Variants in ANKRD28 observed in about 807,000 individuals in gnomAD.
The protein encoded by ANKRD28 is ankyrin repeat domain 28, also known as serine/threonine-protein phosphatase 6 regulatory ankyrin repeat subunit A.
ANKRD28 carries 44 observed loss-of-function variants against 126.5 expected under a neutral mutation model. That is an observed-to-expected ratio of 0.35 (90% confidence interval 0.27 to 0.45). ANKRD28 has a LOEUF of 0.45. Among genes scored for constraint, ANKRD28 ranks in the 20% least tolerant of loss-of-function variants. ANKRD28 has a pLI of 1.00. For synonymous variants in ANKRD28, 442 were observed against 468.5 expected, an observed-to-expected ratio of 0.94 and a Z score of 0.73; for missense variants, 1,110 against 1,316.6, an observed-to-expected ratio of 0.84 and a Z score of 2.43.
intron 21 of ANKRD28, among the ~76,000 whole-genome samples, chr3:15,681,471 C>A (rs1460534159): frequency 6.6e-6 from 1 of 152,150 alleles, no homozygotes; most frequent in Non-Finnish European, 1.5e-5. Context: ...TAATTTAATA[C>A]CCTAATTACT....
chr3:15,788,730 T>C (rs9862047), intron 2 of ANKRD28, among the ~76,000 whole-genome samples: 6,216 of 152,190 alleles, frequency 0.041, 412 homozygotes, highest in African/African-American at 0.14. Context: ...TAAGTTCTAG[T>C]AAATCTTAGG....
At chr3:15,705,524 A>C (rs1420343914) in intron 14 of ANKRD28, among the ~76,000 whole-genome samples, 3 of 152,224 alleles carry the variant, frequency 2.0e-5, no homozygotes, top group Non-Finnish European at 4.4e-5. Context: ...ACTTATTTTA[A>C]GCAAATCAAT....
Position 15,814,644 on chromosome 3 carries a change from T to C in ANKRD28, c.28-19338A>G, listed in dbSNP as rs556654647. Among the ~76,000 whole-genome samples, 4 of 151,852 alleles carry C rather than the reference T, an allele frequency of 2.6e-5. No homozygotes were observed. Among genetic ancestry groups the C allele is most frequent in the South Asian group, 2.1e-4 (1 of 4,818 alleles). ...TTAAACACAAACACACACACACACA[T>C]ATACACACACAAACTTTTCAAATGC... On this transcript the variant is annotated intron_variant, in intron 1 of 27. Transcript: ENST00000399451. This position sits in a 1 kb window ranked among gnomAD's most constrained non-coding sequence, Gnocchi z 4.7.
Position 15,797,174 on chromosome 3 carries a change from C to A in ANKRD28, c.-653G>T. 1 of 728,028 alleles carries A rather than the reference C, an allele frequency of 1.4e-6. No individual in the cohort carries two copies. The highest frequency in any genetic ancestry group is 1.6e-6 in the Non-Finnish European group (1 of 606,276). The allele number at this position is 728,028 out of a possible 1,614,324, so 45.1% of individuals were successfully genotyped here. ...AAATGAAGCTCAGAGGTTAACAATT[C>A]TTTCAGTGTTTGGGAAAGGGGCAAA... On this transcript the variant is annotated 5_prime_UTR_variant, in exon 1 of 28. Coordinates refer to ENST00000683139, the MANE Select transcript of ANKRD28 (RefSeq NM_001349278.2).
At chr3:15,767,151 G>A (rs1041888105) in intron 2 of ANKRD28, among the ~76,000 whole-genome samples, 3 of 152,040 alleles carry the variant, frequency 2.0e-5, no homozygotes, top group African/African-American at 7.3e-5. Context: ...AGGAAAAGAA[G>A]CTACCTCTAA....
intron 27 of ANKRD28, among the ~76,000 whole-genome samples, chr3:15,671,239 G>GT (rs1484610097): frequency 6.6e-6 from 1 of 151,956 alleles, no homozygotes; most frequent in East Asian, 1.9e-4. Context: ...GACCTTAGTC[G>GT]TAAGTTACCA....
intron 26 of ANKRD28, chr3:15,676,453 A>G (rs2066948501): frequency 6.4e-6 from 1 of 156,766 alleles, no homozygotes; most frequent in Non-Finnish European, 1.4e-5. Context: ...CTAATCCCAG[A>G]ACGGGCAACA....
intron 4 of ANKRD28, among the ~76,000 whole-genome samples, chr3:15,749,093 A>ACGT (rs2057679191): frequency 1.7e-5 from 1 of 57,806 alleles, no homozygotes; most frequent in Non-Finnish European, 3.5e-5. Context: ...ATTCTATATT[A>ACGT]TGTTTTTGTT....
Position 15,812,204 on chromosome 3 carries a change from A to G in ANKRD28, c.28-16898T>C, listed in dbSNP as rs2060729773. Among the ~76,000 whole-genome samples, 1 of 152,110 alleles carries G rather than the reference A, an allele frequency of 6.6e-6. No homozygotes were observed. Among genetic ancestry groups the G allele is most frequent in the Admixed American group, 6.5e-5 (1 of 15,276 alleles). ...CCCAAAACAACAATAAAATGTTTCT[A>G]AGATGATAATCAAAGATGGCATCAT... is the stretch of plus-strand genomic sequence containing the variant. On this transcript the variant is annotated intron_variant, in intron 1 of 27. Transcript: ENST00000399451. The surrounding 1 kb of genome is among the most constrained non-coding windows in gnomAD (Gnocchi z 4.1).
At chr3:15,678,159 T>A (rs1295846643) in intron 24 of ANKRD28, 50 bp downstream of exon 24, 1 of 1,525,552 alleles carries the variant, frequency 6.6e-7, no homozygotes, top group Non-Finnish European at 8.8e-7. Flanking sequence ...AAGTTATACA[T>A]AAGTGATACA....
At chr3:15,727,417 A>T (rs779473534) in intron 6 of ANKRD28, among the ~76,000 whole-genome samples, 95 of 152,058 alleles carry the variant, frequency 6.2e-4, no homozygotes, top group Non-Finnish European at 1.2e-3. Context: ...AAGTACAAAA[A>T]TTAGCCAGGT....
chr3:15,770,141 T>C (rs2058929550), intron 2 of ANKRD28, among the ~76,000 whole-genome samples: 2 of 152,220 alleles, frequency 1.3e-5, no homozygotes, highest in African/African-American at 2.4e-5. Context: ...GACTTCCATA[T>C]TGACTTTGGG....
chr3:15,813,928 T>C (rs1164706176), intron 1 of ANKRD28, among the ~76,000 whole-genome samples: 1 of 152,162 alleles, frequency 6.6e-6, no homozygotes, highest in Non-Finnish European at 1.5e-5. Flanking sequence ...ACAAAATAAA[T>C]AAAACTAGTT....
chr3:15,726,912 C>T (rs1010189821), intron 6 of ANKRD28, among the ~76,000 whole-genome samples: 2 of 152,224 alleles, frequency 1.3e-5, no homozygotes, highest in Non-Finnish European at 2.9e-5. Flanking sequence ...GCTAAATCCA[C>T]TTTGCCTATG....
intron 3 of ANKRD28, among the ~76,000 whole-genome samples, chr3:15,756,903 C>G (rs1365545299): frequency 6.6e-6 from 1 of 152,152 alleles, no homozygotes; most frequent in Admixed American, 6.5e-5. Flanking sequence ...TCACTAAATT[C>G]TTCCAATTCT....
chr3:15,852,405 C>T (rs2061671929), intron 1 of ANKRD28, among the ~76,000 whole-genome samples: 1 of 152,130 alleles, frequency 6.6e-6, no homozygotes, highest in African/African-American at 2.4e-5. Flanking sequence ...ACTCAATTGC[C>T]TTTTTAAAGT....
At chr3:15,793,281 G>C (rs929004542) in intron 2 of ANKRD28, among the ~76,000 whole-genome samples, 1 of 151,910 alleles carries the variant, frequency 6.6e-6, no homozygotes, top group African/African-American at 2.4e-5. Flanking sequence ...TCAAATAATG[G>C]CCAAAAAGTT....
intron 1 of ANKRD28, among the ~76,000 whole-genome samples, chr3:15,807,069 C>T (rs913550642): frequency 6.6e-6 from 1 of 152,182 alleles, no homozygotes; most frequent in African/African-American, 2.4e-5. Flanking sequence ...CAGCTTTTCC[C>T]TCTGTCAGAC....
chr3:15,728,025 G>A lies in ANKRD28; in HGVS notation c.641-3501C>T, dbSNP rs1020659432. Among the ~76,000 whole-genome samples, 5 of 152,202 alleles carry A rather than the reference G, an allele frequency of 3.3e-5. No homozygotes were observed. In the East Asian group the frequency reaches 5.8e-4, roughly 18 times the overall value. Reference sequence around the variant, plus strand: ...TTTGTGAAGGGAAGAGTCCATCGATGCAGCACATCTTTGTCTCATTTCAAG... The same window carrying A: ...TTTGTGAAGGGAAGAGTCCATCGATACAGCACATCTTTGTCTCATTTCAAG... On this transcript the variant is annotated intron_variant, in intron 6 of 27. Coordinates refer to ENST00000683139, the MANE Select transcript of ANKRD28 (RefSeq NM_001349278.2).
Sources: allele counts gnomAD v4.1 joint callset (sites outside exome capture counted in the v4.1 genomes callset), GRCh38; gene constraint gnomAD v4.1.1; non-coding constraint Gnocchi (gnomAD v3.1); transcripts MANE v1.5; gene names NCBI Gene and HGNC (gene_info 2026-07-23, HGNC 2026-07-21).